Variants in SELENOS observed in about 807,000 individuals in gnomAD.
The protein encoded by SELENOS is VCP interacting membrane selenoprotein.
SELENOS carries 37 observed loss-of-function variants against 30.2 expected under a neutral mutation model. That is an observed-to-expected ratio of 1.23 (90% CI 0.94 to 1.61). The LOEUF (loss-of-function observed/expected upper bound fraction) is 1.61. SELENOS is among the 40% of genes most tolerant of loss of function. The pLI, the probability that SELENOS is intolerant of heterozygous loss-of-function variation, is 0.00. For missense variants in SELENOS, 289 were observed against 231.8 expected (o/e 1.25, Z -1.60); for synonymous variants, 119 against 91.6 (o/e 1.30, Z -1.71).
At chr15:101,271,120 A>C (rs2039263839), downstream of SELENOS, 1 of 152,162 alleles carries the variant, frequency 6.6e-6, no homozygotes, top group African/African-American at 2.4e-5. Context: ...CTGCATATGA[A>C]ACCCCGACCC....
chr15:101,272,929 T>A, intron 5 of SELENOS, 73 bp from the exon 6 acceptor site: 1 of 1,360,224 alleles, frequency 7.4e-7, no homozygotes, highest in African/African-American at 1.5e-5. Flanking sequence ...ATATCCACAA[T>A]AAAATTATGA....
downstream of SELENOS, chr15:101,271,037 G>A (rs1471464226): frequency 6.6e-6 from 1 of 152,120 alleles, no homozygotes; most frequent in Non-Finnish European, 1.5e-5. Flanking sequence ...TCTACTTTTT[G>A]TCGTTTATTT....
intron 1 of SELENOS, 198 bp downstream of exon 1, chr15:101,277,144 C>T (rs1357064191): frequency 7.6e-6 from 7 of 922,904 alleles, no homozygotes; most frequent in Non-Finnish European, 8.5e-6. Context: ...ACAGCCGAGC[C>T]GCCCAGGGAA....
Position 101,273,428 on chromosome 15 carries a change from T to C in SELENOS, c.485-572A>G, listed in dbSNP as rs77850561. On this transcript the variant is annotated intron_variant, in intron 5 of 5. Coordinates refer to ENST00000526049, the MANE Select transcript of SELENOS (RefSeq NM_018445.6). ...TTTACTCCTTACTTATAGTGGAATC[T>C]TTGGGCAATTAAACACTGTGCCTCA... Among the ~76,000 whole-genome samples, 371 of 152,306 alleles carry C rather than the reference T, an allele frequency of 2.4e-3. 1 individual carries two copies. Among genetic ancestry groups the C allele is most frequent in the African/African-American group, 8.1e-3 (335 of 41,568 alleles).
chr15:101,271,743 C>T (rs2039270144), downstream of SELENOS: 1 of 152,144 alleles, frequency 6.6e-6, no homozygotes, highest in African/African-American at 2.4e-5. Context: ...AATGTTTTTC[C>T]TTCTGATGAT....
chr15:101,276,742 A>C, intron 1 of SELENOS, 67 bp from the exon 2 acceptor site: 41 of 1,547,728 alleles, frequency 2.6e-5, no homozygotes, highest in African/African-American at 4.1e-5. Context: ...CATAAGACTC[A>C]ACAAACACAA....
At position 101,276,544 on chromosome 15, in the gene SELENOS, C is replaced by T. The variant is rs1442381854; in HGVS notation, c.208G>A (p.Val70Met). The T allele has an allele frequency of 1.9e-6, 3 of 1,603,246 alleles. No homozygotes were observed. The highest frequency in any genetic ancestry group is 1.1e-5 in the South Asian group (1 of 89,476). ...ATTTCGGTTATCAGGCACTAACCCA[C>T]AGCAGCCGCAGCTCGGTCCAGCTGC... ...QRQLDRAAAA[V>M]EPDVVVKRQE... The change falls in exon 2 of 6, where the codon GTG becomes ATG. Residue 70 changes from valine to methionine, a missense_variant. Physicochemically the swap from Val to Met is conservative, Grantham distance 21. Transcript: ENST00000526049.
At chr15:101,272,982 C>A in intron 5 of SELENOS, 126 bp from the exon 6 acceptor site, 30 of 678,074 alleles carry the variant, frequency 4.4e-5, no homozygotes, top group East Asian at 6.5e-5. Context: ...TCCTAAGGGA[C>A]ATTTAAAAAA....
chr15:101,276,670 A>G lies in SELENOS; in HGVS notation c.82T>C (p.Ser28Pro), dbSNP rs2039331787. 1.9e-6 allele frequency: 3 copies of G among 1,602,596 alleles called. No homozygotes were observed. The highest frequency in any genetic ancestry group is 2.5e-6 in the Non-Finnish European group (3 of 1,177,100). ...GLRFLHTTVG[S>P]LLATYGWYIV... ...TACCAGCCATAGGTGGCCAGCAGGG[A>G]GCCCACTGAAAAGAAAAACAGTTTT... The change falls in exon 2 of 6, where the codon TCC becomes CCC. Residue 28 changes from serine (S) to proline (P), a missense_variant. By Grantham distance (74) the Ser-to-Pro change is moderately conservative. Coordinates refer to ENST00000526049, the MANE Select transcript of SELENOS (RefSeq NM_018445.6).
intron 2 of SELENOS, 87 bp from the exon 3 acceptor site, chr15:101,275,448 A>G: frequency 9.1e-7 from 1 of 1,098,674 alleles, no homozygotes; most frequent in Non-Finnish European, 1.3e-6. Flanking sequence ...AAAAGTATAA[A>G]GAGGTATGGA....
chr15:101,276,334 G>T, intron 2 of SELENOS: 2 of 436,516 alleles, frequency 4.6e-6, no homozygotes, highest in Non-Finnish European at 7.6e-6. Context: ...CTGCAGCTTT[G>T]ACTCCCTGGA....
intron 2 of SELENOS, among the ~76,000 whole-genome samples, chr15:101,275,998 T>C (rs991421128): frequency 6.0e-5 from 9 of 148,782 alleles, no homozygotes; most frequent in Non-Finnish European, 1.0e-4. Context: ...CTCAGCTCAC[T>C]GCAATCTCCA....
At chr15:101,277,181 A>G in intron 1 of SELENOS, 161 bp downstream of exon 1, 2 of 1,244,236 alleles carry the variant, frequency 1.6e-6, no homozygotes, top group Non-Finnish European at 2.3e-6. Flanking sequence ...GCCTCCGCGC[A>G]AGGTCCGGGC....
intron 2 of SELENOS, 90 bp from the exon 3 acceptor site, chr15:101,275,451 G>A: frequency 9.5e-7 from 1 of 1,050,852 alleles, no homozygotes; most frequent in South Asian, 2.0e-5. Flanking sequence ...AGTATAAAGA[G>A]GTATGGATAT....
In SELENOS at chr15:101,276,242, CTTTTT is replaced by C. The variant is rs34035984; in HGVS notation, c.211+294_211+298del. Among the ~76,000 whole-genome samples the C allele has an allele frequency of 2.8e-4, 34 of 122,482 alleles. No homozygotes were observed. In the South Asian group the frequency reaches 8.2e-3, roughly 30 times the overall value. The allele number at this position is 122,482 out of a possible 152,430, so 80.4% of individuals were successfully genotyped here. A position where few individuals can be genotyped will look rare whatever the true frequency, so the allele number is the denominator to read the frequency against. On this transcript the variant is annotated intron_variant, in intron 2 of 5. Transcript: ENST00000526049. ...CCCACCGAGAACCATATACTTCCTACTTTTTTTTTTTTTTTTTTTTTAAAGACAAG... is the reference window on the plus strand; with the variant it reads ...CCCACCGAGAACCATATACTTCCTACTTTTTTTTTTTTTTTTAAAGACAAG...
rs150748202 is a variant in SELENOS at position 101,272,715 on chromosome 15, G to C, written c.*56C>G. 2.0e-4 allele frequency: 313 copies of C among 1,533,244 alleles called. 3 individuals are homozygous for C. In the African/African-American group the frequency reaches 3.7e-3, roughly 18 times the overall value. 95.0% of individuals were successfully genotyped at this position (1,533,244 alleles called of 1,614,324 possible). ...TGTGAAAAGCGTGCGTAAGGCAATTGAATCGAGGGTTAAGGGTTCATCTTG... is the reference window on the plus strand; with the variant it reads ...TGTGAAAAGCGTGCGTAAGGCAATTCAATCGAGGGTTAAGGGTTCATCTTG... On this transcript the variant is annotated 3_prime_UTR_variant, in exon 6 of 6. Transcript: ENST00000526049.
chr15:101,273,757 T>C (rs2039294670), intron 5 of SELENOS, among the ~76,000 whole-genome samples: 1 of 152,230 alleles, frequency 6.6e-6, no homozygotes, highest in African/African-American at 2.4e-5. Flanking sequence ...TTGGAGCCCA[T>C]GCCCCAGTCT....
intron 3 of SELENOS, chr15:101,274,962 G>A (rs1188892708): frequency 1.7e-6 from 1 of 572,658 alleles, no homozygotes; most frequent in Non-Finnish European, 3.0e-6. Flanking sequence ...TTGGTAATGG[G>A]GAAGACACAG....
intron 4 of SELENOS, 26 bp downstream of exon 4, chr15:101,274,566 G>A (rs1180016931): frequency 6.2e-7 from 1 of 1,611,942 alleles, no homozygotes. Flanking sequence ...TCTACCGCAT[G>A]CCAGCCGGCC....
Sources: gnomAD v4.1 joint callset for allele counts (sites outside exome capture counted in the v4.1 genomes callset) on GRCh38, gnomAD v4.1.1 for gene constraint, MANE v1.5 for transcripts, NCBI Gene and HGNC (gene_info 2026-07-23, HGNC 2026-07-21) for gene names.